The following MMP3 variants were observed in gnomAD, a reference collection of about 807,000 sequenced individuals.
The protein encoded by MMP3 is stromelysin-1.
A neutral mutation model predicts 47.3 loss-of-function variants in MMP3; 46 were observed. That is an observed-to-expected ratio of 0.97 (90% CI 0.77 to 1.24). MMP3 has a LOEUF of 1.24. MMP3 is among the 50% of genes most tolerant of loss of function. The pLI is 0.00. For missense variants in MMP3, 558 were observed against 565.5 expected, an observed-to-expected ratio of 0.99 and a Z score of 0.13; for synonymous variants, 216 against 206.5, an observed-to-expected ratio of 1.05 and a Z score of -0.39.
At position 102,840,131 on chromosome 11, in the gene MMP3, T is replaced by G; in HGVS notation, c.912A>C (p.Gly304=). 6.2e-7 allele frequency: 1 copy of G among 1,613,658 alleles called. No individual in the cohort carries two copies. Among genetic ancestry groups the G allele is most frequent in the African/African-American group, 1.3e-5 (1 of 74,992 alleles). The stretch of plus-strand genomic sequence containing the variant: ...ACCTGTCTTTAAAGATCAGGATTTC[T>G]CCCCTCAGAGTGCTGACAGCATCAA... The part of the protein sequence containing the change: ...LSFDAVSTLR[G]EILIFKDRHF... Residue 304 remains glycine, a synonymous_variant, in exon 6 of 10, where the codon GGA becomes GGC. Transcript: ENST00000299855.
Position 102,842,666 on chromosome 11 carries a change from C to A in MMP3, c.350+6G>T, listed in dbSNP as rs1555005742. 6 of 1,613,792 alleles carry A rather than the reference C, an allele frequency of 3.7e-6. No homozygotes were observed. The highest frequency in any genetic ancestry group is 3.3e-5 in the Admixed American group (2 of 59,954). ...ATCTTATGTGAAAACCCCTCTGAAC[C>A]ATTACCTGTATGTAAGGTGGGTTTT... On this transcript the variant is annotated splice_donor_region_variant and intron_variant, in intron 2 of 9. Transcript: ENST00000299855.
At position 102,842,404 on chromosome 11, in the gene MMP3, CTTTTTTTTTTTT is replaced by C. The variant is rs11418340; in HGVS notation, c.499+15_499+26del. The C allele has an allele frequency of 3.0e-5, 24 of 813,330 alleles. No homozygotes were observed. The South Asian group carries it at 6.6e-4, about 23-fold the overall frequency. The allele number at this position is 813,330 out of a possible 1,614,324, so 50.4% of individuals were successfully genotyped here. A position where few individuals can be genotyped will look rare whatever the true frequency, so the allele number is the denominator to read the frequency against. On this transcript the variant is annotated intron_variant, in intron 3 of 9. Transcript: ENST00000299855. ...GTGTTTTTTGTTTTGTTTTGTTTTGCTTTTTTTTTTTTTTTTTTTTTTTTACCTCTAACTGCA... is the reference window on the plus strand; with the variant it reads ...GTGTTTTTTGTTTTGTTTTGTTTTGCTTTTTTTTTTTTACCTCTAACTGCA...
Position 102,843,570 on chromosome 11 carries a change from A to C in MMP3, c.-24T>G. On this transcript the variant is annotated 5_prime_UTR_variant, in exon 1 of 10. Transcript: ENST00000299855. ...ATTTCCACTGGCTTTACTTAGCTCT[A>C]TGTTGTCTCTATGCCTTGCTGTCTT... 1 of 1,590,902 alleles carries C rather than the reference A, an allele frequency of 6.3e-7. No individual in the cohort carries two copies. Among genetic ancestry groups the C allele is most frequent in the Non-Finnish European group, 8.6e-7 (1 of 1,162,136 alleles).
intron 1 of MMP3, among the ~76,000 whole-genome samples, 181 bp downstream of exon 1, chr11:102,843,258 AGAG>A (rs1285411662): frequency 6.6e-6 from 1 of 152,154 alleles, no homozygotes; most frequent in African/African-American, 2.4e-5. Flanking sequence ...TTCCTACATA[AGAG>A]GAGAAGCCCA....
chr11:102,836,545 A>T lies in MMP3; in HGVS notation c.1334-319T>A, dbSNP rs576201089. ...CAGCTCTGTCTGAAAACACAGCCAG[A>T]TTCCAGGTTACAGGGTTATTCTGCT... On this transcript the variant is annotated intron_variant, in intron 9 of 9. Transcript: ENST00000299855. The surrounding 1 kb of genome is among the most constrained non-coding windows in gnomAD (Gnocchi z 4.6). 8.0e-6 allele frequency: 4 copies of T among 503,028 alleles called. No homozygotes were observed. Among genetic ancestry groups the T allele is most frequent in the African/African-American group, 7.7e-5 (4 of 51,626 alleles). 31.2% of individuals were successfully genotyped at this position (503,028 alleles called of 1,614,324 possible). A position where few individuals can be genotyped will look rare whatever the true frequency, so the allele number is the denominator to read the frequency against.
intron 1 of MMP3, 75 bp downstream of exon 1, chr11:102,843,367 G>GT (rs1555005916): frequency 9.9e-7 from 1 of 1,014,310 alleles, no homozygotes; most frequent in East Asian, 2.5e-5. Context: ...TTCTATGTGG[G>GT]TTTTAAGACA....
intron 4 of MMP3, among the ~76,000 whole-genome samples, chr11:102,840,878 A>C (rs1248556247): frequency 1.3e-5 from 2 of 150,422 alleles, no homozygotes; most frequent in African/African-American, 2.5e-5. Context: ...TATTAACTCC[A>C]GAAGAACCAG....
chr11:102,842,461 C>CCT lies in MMP3; in HGVS notation c.467_468dup (p.Ala157ArgfsTer4), dbSNP rs1859022022. The CCT allele has an allele frequency of 7.1e-7, 1 of 1,411,146 alleles. No homozygotes were observed. Among genetic ancestry groups the CCT allele is most frequent in the South Asian group, 1.2e-5 (1 of 85,642 alleles). The allele number at this position is 1,411,146 out of a possible 1,614,324, so 87.4% of individuals were successfully genotyped here. ...ACTGCAAAAGAGATCATTATATCAG[C>CCT]CTCTCCTTCATACAGCCTGGAGAAT... is the stretch of plus-strand genomic sequence containing the variant. On this transcript the variant is annotated frameshift_variant, in exon 3 of 10. Transcript: ENST00000299855. LOFTEE classifies it high-confidence loss of function.
In MMP3 at chr11:102,837,261, A is replaced by G; in HGVS notation, c.1333+37T>C. On this transcript the variant is annotated intron_variant, in intron 9 of 9. Transcript: ENST00000299855. This position sits in a 1 kb window ranked among gnomAD's most constrained non-coding sequence, Gnocchi z 4.4. The stretch of plus-strand genomic sequence containing the variant: ...TCCCTCTGATATCATAAAATGTTTC[A>G]AGTGCTCTATGGCCAACACAGTAAG... 6.7e-7 allele frequency: 1 copy of G among 1,490,254 alleles called. No individual in the cohort carries two copies. The highest frequency in any genetic ancestry group is 9.3e-7 in the Non-Finnish European group (1 of 1,069,850). The allele number at this position is 1,490,254 out of a possible 1,614,324, so 92.3% of individuals were successfully genotyped here.
intron 8 of MMP3, among the ~76,000 whole-genome samples, chr11:102,838,212 G>A (rs1349114474): frequency 6.6e-6 from 1 of 152,112 alleles, no homozygotes; most frequent in African/African-American, 2.4e-5. Context: ...TTCCCAATGG[G>A]TCTAAAGTCC....
chr11:102,843,458 C>T lies in MMP3; in HGVS notation c.89G>A (p.Ser30Asn), dbSNP rs1211155799. 1.2e-6 allele frequency: 2 copies of T among 1,613,314 alleles called. No homozygotes were observed. The highest frequency in any genetic ancestry group is 2.2e-5 in the East Asian group (1 of 44,886). The change falls in exon 1 of 10, where the codon AGC becomes AAC. Residue 30 changes from serine (S) to asparagine (N), a missense_variant. Coordinates refer to ENST00000299855, the MANE Select transcript of MMP3 (RefSeq NM_002422.5). ...GTTAATTACCTGAACAAGGTTCATG[C>T]TGGTGTCCTCACCCCTTGCAGCTCC... ...LDGAARGEDT[S>N]MNLVQKYLEN...
At position 102,840,518 on chromosome 11, in the gene MMP3, G is replaced by A. The variant is rs1858976879; in HGVS notation, c.701C>T (p.Ala234Val). ...LGLFHSANTE[A>V]LMYPLYHSLT... ...TGAGTGATAGAGTGGGTACATCAAA[G>A]CTTCAGTGTTGGCTGAGTGAAAGAG... Residue 234 changes from alanine (A) to valine (V), a missense_variant, in exon 5 of 10, where the codon GCT becomes GTT. By Grantham distance (64) the Ala-to-Val change is moderately conservative. Transcript: ENST00000299855. The A allele has an allele frequency of 3.7e-6, 6 of 1,613,972 alleles. No homozygotes were observed. Among genetic ancestry groups the A allele is most frequent in the Non-Finnish European group, 5.1e-6 (6 of 1,179,992 alleles).
chr11:102,840,046 G>T (rs3025092), intron 6 of MMP3, 62 bp downstream of exon 6: 3 of 1,495,524 alleles, frequency 2.0e-6, no homozygotes, highest in Middle Eastern at 1.8e-4. Flanking sequence ...AAGTTTCTGC[G>T]TGTTTTCCTT....
intron 7 of MMP3, 55 bp from the exon 8 acceptor site, chr11:102,838,765 C>A: frequency 6.5e-7 from 1 of 1,537,164 alleles, no homozygotes; most frequent in South Asian, 1.2e-5. Flanking sequence ...TAAGCCCTTT[C>A]GCTTTAGAAA....
Position 102,842,829 on chromosome 11 carries a change from G to C in MMP3, c.193C>G (p.Arg65Gly). 1 of 1,613,670 alleles carries C rather than the reference G, an allele frequency of 6.2e-7. No individual in the cohort carries two copies. Among genetic ancestry groups the C allele is most frequent in the Non-Finnish European group, 8.5e-7 (1 of 1,179,876 alleles). The change falls in exon 2 of 10, where the codon CGA (arginine) becomes GGA (glycine). Residue 65 changes from arginine (R) to glycine (G), a missense_variant. By Grantham distance (125) the Arg-to-Gly change is moderately radical (BLOSUM62 -2). Transcript: ENST00000299855. ...AATCCAAGGAACTTCTGCATTTCTCGGATTTTTTTAACAACAGGACCACTG... is the reference window on the plus strand; with the variant it reads ...AATCCAAGGAACTTCTGCATTTCTCCGATTTTTTTAACAACAGGACCACTG... ...KDSGPVVKKIREMQKFLGLEV... is the reference protein window; with the variant it reads ...KDSGPVVKKIGEMQKFLGLEV...
At chr11:102,839,574 C>G (rs782661048) in intron 6 of MMP3, among the ~76,000 whole-genome samples, 1 of 152,098 alleles carries the variant, frequency 6.6e-6, no homozygotes, top group African/African-American at 2.4e-5. Context: ...AAAGCTAGGC[C>G]GTGTTTGTAT....
At chr11:102,842,410 T>TTC in intron 3 of MMP3, 21 bp downstream of exon 3, 3 of 1,293,360 alleles carry the variant, frequency 2.3e-6, no homozygotes, top group Non-Finnish European at 1.0e-6. Flanking sequence ...TTTGCTTTTT[T>TTC]TTTTTTTTTT....
intron 4 of MMP3, 90 bp from the exon 5 acceptor site, chr11:102,840,683 C>T (rs1490148912): frequency 7.5e-7 from 1 of 1,337,978 alleles, no homozygotes; most frequent in Non-Finnish European, 1.0e-6. Flanking sequence ...GTTTTTACTT[C>T]TTGGAACCAC....
At position 102,836,418 on chromosome 11, in the gene MMP3, A is replaced by C; in HGVS notation, c.1334-192T>G. 1 of 654,484 alleles carries C rather than the reference A, an allele frequency of 1.5e-6. No homozygotes were observed. 40.5% of individuals were successfully genotyped at this position (654,484 alleles called of 1,614,324 possible). A position where few individuals can be genotyped will look rare whatever the true frequency, so the allele number is the denominator to read the frequency against. ...TTCTGCAACAACCCTATGAGGTTGT[A>C]TGTCTAACTCCATTTACAGATTGAG... On this transcript the variant is annotated intron_variant, in intron 9 of 9. Coordinates refer to ENST00000299855, the MANE Select transcript of MMP3 (RefSeq NM_002422.5). The surrounding 1 kb of genome is among the most constrained non-coding windows in gnomAD (Gnocchi z 4.6).
Sources: allele counts gnomAD v4.1 joint callset (sites outside exome capture counted in the v4.1 genomes callset), GRCh38; gene constraint gnomAD v4.1.1; non-coding constraint Gnocchi (gnomAD v3.1); transcripts MANE v1.5; gene names NCBI Gene and HGNC (gene_info 2026-07-23, HGNC 2026-07-21).